SPRED2: variants seen among roughly 807,000 people sequenced by gnomAD.
SPRED2 encodes the protein sprouty-related, EVH1 domain-containing protein 2.
In SPRED2, 47 loss-of-function variants were observed where a neutral mutation model predicts 43.0. That is an observed-to-expected ratio of 1.09 (90% CI 0.87 to 1.40). The LOEUF is 1.40. Among genes scored for constraint, SPRED2 ranks in the 40% most tolerant of loss-of-function variants. The pLI is 0.00. For synonymous variants in SPRED2, 225 were observed against 225.7 expected (o/e 1.00, Z 0.03); for missense variants, 561 against 586.4 (o/e 0.96, Z 0.45).
At position 65,311,489 on chromosome 2, in the gene SPRED2, G is replaced by C. The variant is rs548410207; in HGVS notation, c.*2012C>G. 3.5e-4 allele frequency: 343 copies of C among 985,834 alleles called. 3 individuals carry two copies. In the African/African-American group the frequency reaches 5.7e-3, roughly 16 times the overall value. 61.1% of individuals were successfully genotyped at this position (985,834 alleles called of 1,614,324 possible). The stretch of plus-strand genomic sequence containing the variant: ...AAATAAATAGGGGCACTTGAACTGA[G>C]GTCTAAGGAAACGAACATTAGTGTT... On this transcript the variant is annotated 3_prime_UTR_variant, in exon 6 of 6. Coordinates refer to ENST00000356388, the MANE Select transcript of SPRED2 (RefSeq NM_181784.3).
At chr2:65,376,060 A>C (rs1675229359) in intron 1 of SPRED2, among the ~76,000 whole-genome samples, 1 of 152,174 alleles carries the variant, frequency 6.6e-6, no homozygotes, top group African/African-American at 2.4e-5. Context: ...GGGGTGGGAG[A>C]GGAGGCCATG....
At chr2:65,327,766 C>T (rs1363241317) in intron 4 of SPRED2, among the ~76,000 whole-genome samples, 1 of 133,106 alleles carries the variant, frequency 7.5e-6, no homozygotes, top group Non-Finnish European at 1.5e-5. Context: ...CTCTGTCGCC[C>T]AGGCTGGAGT....
At chr2:65,324,751 G>C (rs1400880168) in intron 4 of SPRED2, among the ~76,000 whole-genome samples, 1 of 152,144 alleles carries the variant, frequency 6.6e-6, no homozygotes, top group Non-Finnish European at 1.5e-5. Flanking sequence ...TGAGGAGACA[G>C]GTTGCTTAAA....
chr2:65,386,088 C>G (rs1675491443), intron 1 of SPRED2, among the ~76,000 whole-genome samples: 1 of 150,594 alleles, frequency 6.6e-6, no homozygotes, highest in African/African-American at 2.5e-5. Flanking sequence ...AGTTTGAGAC[C>G]AGCCTGGCCA....
chr2:65,420,525 G>A (rs1676399415), intron 1 of SPRED2, among the ~76,000 whole-genome samples: 1 of 152,160 alleles, frequency 6.6e-6, no homozygotes, highest in Non-Finnish European at 1.5e-5. Flanking sequence ...GACAAGTGAT[G>A]GATAATTTGC....
chr2:65,371,781 A>G (rs1401512178), intron 1 of SPRED2, among the ~76,000 whole-genome samples: 1 of 151,832 alleles, frequency 6.6e-6, no homozygotes, highest in Non-Finnish European at 1.5e-5. Context: ...TGAAAAAAAA[A>G]AGTAAGAGGC....
At chr2:65,349,504 A>T (rs1169270976) in intron 1 of SPRED2, among the ~76,000 whole-genome samples, 1 of 152,186 alleles carries the variant, frequency 6.6e-6, no homozygotes, top group Non-Finnish European at 1.5e-5. Flanking sequence ...CTATAAGTAT[A>T]CTATGGGTTC....
chr2:65,371,190 A>AT (rs5831752), intron 1 of SPRED2, among the ~76,000 whole-genome samples: 48,684 of 151,882 alleles, frequency 0.32, 9,667 homozygotes, highest in East Asian at 0.78. Flanking sequence ...CATACTGAAT[A>AT]TTTTTTTTGG....
At chr2:65,409,673 T>TAA (rs1676105205) in intron 1 of SPRED2, among the ~76,000 whole-genome samples, 1 of 58,634 alleles carries the variant, frequency 1.7e-5, no homozygotes, top group Non-Finnish European at 3.4e-5. Context: ...TGAGTGCTAA[T>TAA]AAAACTCCAG....
In SPRED2 at chr2:65,401,973, A is replaced by ACACACACC. The variant is rs770117392; in HGVS notation, c.26+29988_26+29989insGGTGTGTG. 4.7e-3 allele frequency among the ~76,000 whole-genome samples: 693 copies of ACACACACC among 148,456 alleles called. 4 individuals are homozygous for ACACACACC. Among genetic ancestry groups the ACACACACC allele is most frequent in the Non-Finnish European group, 5.9e-3 (395 of 67,260 alleles). ...CACACACACACACACACACACACAC[A>ACACACACC]CCTGTTAATTTGTCTTAGGTAATTC... is the stretch of plus-strand genomic sequence containing the variant. On this transcript the variant is annotated intron_variant, in intron 1 of 5. Transcript: ENST00000356388.
At chr2:65,365,159 A>G (rs561022173) in intron 1 of SPRED2, among the ~76,000 whole-genome samples, 2 of 152,358 alleles carry the variant, frequency 1.3e-5, no homozygotes, top group African/African-American at 2.4e-5. Flanking sequence ...AATTCTTAGC[A>G]AAACCCCCAC....
At chr2:65,333,965 T>G (rs1673889038) in intron 3 of SPRED2, 1 of 260,976 alleles carries the variant, frequency 3.8e-6, no homozygotes, top group Admixed American at 4.9e-5. Flanking sequence ...ATGGCTTCTT[T>G]AACCCTCTGA....
At chr2:65,345,577 C>T (rs144009356) in intron 1 of SPRED2, among the ~76,000 whole-genome samples, 11 of 152,158 alleles carry the variant, frequency 7.2e-5, no homozygotes, top group South Asian at 2.1e-4. Context: ...CCTATTAAGA[C>T]GGTATTATGG....
At chr2:65,341,128 T>TGCGC (rs1553418731) in intron 2 of SPRED2, among the ~76,000 whole-genome samples, 1 of 143,174 alleles carries the variant, frequency 7.0e-6, no homozygotes, top group African/African-American at 2.6e-5. Flanking sequence ...TGTGTGTGTG[T>TGCGC]GCATGTGCAT....
chr2:65,356,951 G>T (rs113132243), intron 1 of SPRED2, among the ~76,000 whole-genome samples: 164 of 152,244 alleles, frequency 1.1e-3, no homozygotes, highest in Non-Finnish European at 1.9e-3. Flanking sequence ...CTAAGATCAC[G>T]CTACTGCACT....
At chr2:65,379,112 A>T (rs992927389) in intron 1 of SPRED2, among the ~76,000 whole-genome samples, 1 of 152,102 alleles carries the variant, frequency 6.6e-6, no homozygotes, top group Non-Finnish European at 1.5e-5. Context: ...AAAACTAGGG[A>T]CTTGGCAAAC....
Position 65,432,037 on chromosome 2 carries a change from T to C in SPRED2, c.-50A>G. 6.2e-7 allele frequency: 1 copy of C among 1,612,482 alleles called. No individual in the cohort carries two copies. The highest frequency in any genetic ancestry group is 8.5e-7 in the Non-Finnish European group (1 of 1,179,274). On this transcript the variant is annotated 5_prime_UTR_variant, in exon 1 of 6. Coordinates refer to ENST00000356388, the MANE Select transcript of SPRED2 (RefSeq NM_181784.3). Reference sequence around the variant, plus strand: ...CCCGCGGCGGGCAGCTTTGCTCCCTTCATCTTCCTGTCCGCTCGCCCCCCT... The same window carrying C: ...CCCGCGGCGGGCAGCTTTGCTCCCTCCATCTTCCTGTCCGCTCGCCCCCCT...
intron 1 of SPRED2, among the ~76,000 whole-genome samples, chr2:65,391,087 C>A (rs1317706697): frequency 5.0e-4 from 64 of 127,166 alleles, no homozygotes; most frequent in East Asian, 9.1e-4. Flanking sequence ...GACTCCATCT[C>A]AAAAAAAAAA....
intron 1 of SPRED2, among the ~76,000 whole-genome samples, chr2:65,423,772 C>CTTTT (rs11306222): frequency 7.0e-6 from 1 of 143,742 alleles, no homozygotes. Flanking sequence ...CTCATTTATG[C>CTTTT]TTTTTTTTTT....
Sources: allele counts gnomAD v4.1 joint callset (sites outside exome capture counted in the v4.1 genomes callset), GRCh38; gene constraint gnomAD v4.1.1; transcripts MANE v1.5; gene names NCBI Gene and HGNC (gene_info 2026-07-23, HGNC 2026-07-21).